The following NCOA6 variants were observed in gnomAD, a reference collection of about 807,000 sequenced individuals.
The protein encoded by NCOA6 is NRC RAP250.
NCOA6 carries 49 observed loss-of-function variants against 171.4 expected under a neutral mutation model. The observed-to-expected ratio is 0.29, with a 90% CI of 0.23 to 0.36. The LOEUF is 0.36. Among genes scored for constraint, NCOA6 ranks in the 10% least tolerant of loss-of-function variants. The pLI, the probability that NCOA6 is intolerant of heterozygous loss-of-function variation, is 1.00. For synonymous variants in NCOA6, 910 were observed against 927.5 expected (o/e 0.98, Z 0.34); for missense variants, 2,248 against 2,554.5 (o/e 0.88, Z 2.59).
chr20:34,746,764 A>G, intron 10 of NCOA6, 43 bp downstream of exon 10: 2 of 1,535,028 alleles, frequency 1.3e-6, no homozygotes, highest in Non-Finnish European at 1.8e-6. Context: ...GTAATGCCAC[A>G]TGCACATGTA....
At chr20:34,779,341 T>C (rs1262172624) in intron 3 of NCOA6, among the ~76,000 whole-genome samples, 2 of 151,736 alleles carry the variant, frequency 1.3e-5, no homozygotes, top group East Asian at 1.9e-4. Flanking sequence ...TGAGACCTCA[T>C]CTCTACAAAA....
chr20:34,799,348 T>C (rs2078181008), intron 1 of NCOA6, among the ~76,000 whole-genome samples: 1 of 152,048 alleles, frequency 6.6e-6, no homozygotes, highest in African/African-American at 2.4e-5. Flanking sequence ...GAAAATAGCC[T>C]CAAAAGGGCA....
rs186687743 is a variant in NCOA6, at chr20:34,742,730, T to C, written c.3526A>G (p.Thr1176Ala). The part of the protein sequence containing the change: ...PKPGPSPLSA[T>A]QGATPQQPPV... ...GGTTGCTGGGGAGTTGCACCTTGAG[T>C]TGCTGAAAGGGGCGATGGTCCAGGT... is the stretch of plus-strand genomic sequence containing the variant. Residue 1176 changes from threonine to alanine, a missense_variant, in exon 11 of 15, where the codon ACT becomes GCT. By Grantham distance (58) the Thr-to-Ala change is moderately conservative. Coordinates refer to ENST00000359003, the MANE Select transcript of NCOA6 (RefSeq NM_014071.5). 151 of 1,614,034 alleles carry C rather than the reference T, an allele frequency of 9.4e-5. No homozygotes were observed. In the East Asian group the frequency reaches 2.5e-3, roughly 26 times the overall value.
intron 3 of NCOA6, chr20:34,776,792 A>G (rs954017039): frequency 2.1e-6 from 1 of 468,972 alleles, no homozygotes; most frequent in South Asian, 1.5e-5. Flanking sequence ...GGAAAGCCGT[A>G]AGATGGAGAA....
At chr20:34,730,188 C>A (rs923234023) in intron 13 of NCOA6, among the ~76,000 whole-genome samples, 2 of 151,986 alleles carry the variant, frequency 1.3e-5, no homozygotes, top group Non-Finnish European at 2.9e-5. Context: ...CCCACCTTAG[C>A]CTCCTGAGTA....
Position 34,741,843 on chromosome 20 carries a change from G to A in NCOA6, c.4413C>T (p.Pro1471=), listed in dbSNP as rs368254189. The change falls in exon 11 of 15, where the codon CCC becomes CCT. Residue 1471 remains proline, a synonymous_variant. Coordinates refer to ENST00000359003, the MANE Select transcript of NCOA6 (RefSeq NM_014071.5). ...CCAAATTTTTGTTCTCTTCGACACTGGGAAGTTTGTTAGGATCCGAAGGCT... is the reference window on the plus strand; with the variant it reads ...CCAAATTTTTGTTCTCTTCGACACTAGGAAGTTTGTTAGGATCCGAAGGCT... ...DGQPSDPNKL[P]SVEENKNLVS... is the part of the protein sequence containing the mutation. 4 of 1,614,054 alleles carry A rather than the reference G, an allele frequency of 2.5e-6. No individual in the cohort carries two copies. In the African/African-American group the frequency reaches 5.3e-5, roughly 22 times the overall value.
At chr20:34,736,825 C>A (rs2075974145) in intron 11 of NCOA6, 67 bp from the exon 12 acceptor site, 1 of 1,394,038 alleles carries the variant, frequency 7.2e-7, no homozygotes, top group African/African-American at 1.4e-5. Flanking sequence ...AAGCATTAAC[C>A]TAATCAAGGG....
chr20:34,815,025 C>A (rs984323456), intron 1 of NCOA6, among the ~76,000 whole-genome samples: 4 of 152,288 alleles, frequency 2.6e-5, no homozygotes, highest in African/African-American at 9.6e-5. Flanking sequence ...GACCACAATT[C>A]AAATGAGTAT....
intron 10 of NCOA6, among the ~76,000 whole-genome samples, chr20:34,744,898 A>G (rs1320959714): frequency 6.6e-6 from 1 of 152,202 alleles, no homozygotes; most frequent in Non-Finnish European, 1.5e-5. Context: ...AAATCAGCCC[A>G]CCAGACAGTA....
intron 1 of NCOA6, among the ~76,000 whole-genome samples, chr20:34,817,447 C>G (rs2078878822): frequency 6.6e-6 from 1 of 152,002 alleles, no homozygotes; most frequent in African/African-American, 2.4e-5. Flanking sequence ...TCCTGGCCTT[C>G]TGCTTTATAG....
Position 34,757,586 on chromosome 20 carries a change from T to A in NCOA6, c.1162A>T (p.Thr388Ser). Reference protein sequence around the residue: ...FGSQQASQAHTNFPQMSNPGQ... With the variant: ...FGSQQASQAHSNFPQMSNPGQ... ...GGGTTGCTCATCTGAGGAAAGTTTG[T>A]GTGGGCTTGTGAGGCTTGCTGGCTG... The change falls in exon 7 of 15, where the codon ACA (threonine) becomes TCA (serine). Residue 388 changes from threonine to serine, a missense_variant. By Grantham distance (58) the Thr-to-Ser change is moderately conservative (BLOSUM62 1). Around this residue, in one of 7 missense-constraint regions of NCOA6, gnomAD observed 987 missense variants for 1,104.7 expected, o/e 0.89. Coordinates refer to ENST00000359003, the MANE Select transcript of NCOA6 (RefSeq NM_014071.5). 1 of 1,613,764 alleles carries A rather than the reference T, an allele frequency of 6.2e-7. No individual in the cohort carries two copies. Among genetic ancestry groups the A allele is most frequent in the Non-Finnish European group, 8.5e-7 (1 of 1,179,876 alleles).
In NCOA6 at chr20:34,715,028, G is replaced by T; in HGVS notation, c.*294C>A. ...TAGGAGATCTAAAAATGCTCACCCT[G>T]TACTCTAGGCTGCTTAGGAAATGTG... On this transcript the variant is annotated 3_prime_UTR_variant, in exon 15 of 15. Transcript: ENST00000359003. The T allele has an allele frequency of 2.8e-6, 1 of 353,740 alleles. No individual in the cohort carries two copies. The highest frequency in any genetic ancestry group is 2.1e-5 in the African/African-American group (1 of 47,390). The allele number at this position is 353,740 out of a possible 1,614,324, so 21.9% of individuals were successfully genotyped here.
Position 34,749,953 on chromosome 20 carries a change from T to C in NCOA6, c.2242A>G (p.Thr748Ala), listed in dbSNP as rs905133131. 1.9e-6 allele frequency: 3 copies of C among 1,614,162 alleles called. No homozygotes were observed. The highest frequency in any genetic ancestry group is 1.6e-4 in the Middle Eastern group (1 of 6,062). Residue 748 changes from threonine to alanine, a missense_variant, in exon 9 of 15, where the codon ACT becomes GCT. Coordinates refer to ENST00000359003, the MANE Select transcript of NCOA6 (RefSeq NM_014071.5). ...PGPAQIMRGP[T>A]PNMQGNMVQF... ...ACCATATTTCCTTGCATGTTTGGAG[T>C]TGGTCCCCTCATTATCTGGGCTGGT... is the stretch of plus-strand genomic sequence containing the variant.
intron 1 of NCOA6, among the ~76,000 whole-genome samples, chr20:34,823,046 G>T (rs974844114): frequency 1.3e-5 from 2 of 152,016 alleles, no homozygotes; most frequent in African/African-American, 4.8e-5. Context: ...CACTAAATCT[G>T]ATTTCTTAAC....
intron 1 of NCOA6, among the ~76,000 whole-genome samples, chr20:34,809,898 G>A (rs2078596553): frequency 6.6e-6 from 1 of 152,172 alleles, no homozygotes; most frequent in African/African-American, 2.4e-5. Flanking sequence ...AACCTGGGAG[G>A]CAGAGGTTGC....
intron 5 of NCOA6, among the ~76,000 whole-genome samples, chr20:34,765,288 T>C (rs959057415): frequency 6.7e-6 from 1 of 149,640 alleles, no homozygotes; most frequent in Non-Finnish European, 1.5e-5. Flanking sequence ...TCGTCTCTAC[T>C]AAAAATACAA....
chr20:34,770,699 C>A (rs7344464), intron 4 of NCOA6, among the ~76,000 whole-genome samples: 2 of 151,346 alleles, frequency 1.3e-5, no homozygotes, highest in Non-Finnish European at 2.9e-5. Flanking sequence ...GGCGCGATCT[C>A]GGATCACTGT....
At chr20:34,817,987 T>C (rs2078896091) in intron 1 of NCOA6, among the ~76,000 whole-genome samples, 2 of 152,200 alleles carry the variant, frequency 1.3e-5, no homozygotes, top group South Asian at 2.1e-4. Flanking sequence ...TTTGATTATA[T>C]GGTATGCAGA....
intron 10 of NCOA6, among the ~76,000 whole-genome samples, chr20:34,744,585 T>C (rs999682593): frequency 6.6e-6 from 1 of 152,354 alleles, no homozygotes; most frequent in Middle Eastern, 3.4e-3. Flanking sequence ...TGGGTCAGAC[T>C]CAGCACTCAA....
Sources: allele counts gnomAD v4.1 joint callset (sites outside exome capture counted in the v4.1 genomes callset), GRCh38; gene constraint gnomAD v4.1.1; regional missense constraint gnomAD v4.1.1; transcripts MANE v1.5; gene names NCBI Gene and HGNC (gene_info 2026-07-23, HGNC 2026-07-21).